TOPAZ1: variants seen among roughly 807,000 people sequenced by gnomAD.
TOPAZ1 encodes testis and ovary specific TOPAZ 1, also known as protein TOPAZ1.
A neutral mutation model predicts 172.2 loss-of-function variants in TOPAZ1; 66 were observed. The ratio of observed to expected loss-of-function variants is 0.38; its 90% confidence interval spans 0.31 to 0.47. The LOEUF (loss-of-function observed/expected upper bound fraction) is 0.47, where lower values mean the gene tolerates loss of function less well. Among genes scored for constraint, TOPAZ1 ranks in the 20% least tolerant of loss-of-function variants. The pLI is 0.99. For synonymous variants in TOPAZ1, 681 were observed against 683.9 expected, an observed-to-expected ratio of 1.00 and a Z score of 0.07; for missense variants, 1,822 against 1,972.4, an observed-to-expected ratio of 0.92 and a Z score of 1.44.
At chr3:44,314,166 A>G (rs1438469440) in intron 16 of TOPAZ1, among the ~76,000 whole-genome samples, 2 of 152,096 alleles carry the variant, frequency 1.3e-5, no homozygotes, top group African/African-American at 4.8e-5. Context: ...TGACCTCGTG[A>G]TCTGCCCACC....
intron 12 of TOPAZ1, among the ~76,000 whole-genome samples, chr3:44,298,909 A>ATATATATTTTTTTTT (rs1287571186): frequency 4.8e-5 from 2 of 41,322 alleles, no homozygotes; most frequent in African/African-American, 7.7e-5. Context: ...ATATATATAT[A>ATATATATTTTTTTTT]TTTTTTTTTT....
At chr3:44,326,495 T>G (rs2125706530) in intron 18 of TOPAZ1, among the ~76,000 whole-genome samples, 1 of 152,308 alleles carries the variant, frequency 6.6e-6, no homozygotes, top group East Asian at 1.9e-4. Flanking sequence ...TTTTTTTGAT[T>G]GGGTTTTTTT....
rs1296824689 is a variant in TOPAZ1 at position 44,270,755 on chromosome 3, G to A, written c.3317G>A (p.Gly1106Asp). The A allele has an allele frequency of 6.4e-7, 1 of 1,550,846 alleles. No individual in the cohort carries two copies. Residue 1106 changes from glycine (G) to aspartate (D), a missense_variant, in exon 8 of 20, where the codon GGC (glycine) becomes GAC (aspartate). Physicochemically the swap from Gly to Asp is moderately conservative, Grantham distance 94. Around this residue, in one of 2 missense-constraint regions of TOPAZ1, gnomAD observed 1,489 missense variants for 1,490.8 expected, o/e 1.00. Transcript: ENST00000309765. ...AAATTTCATTTTAATACATTACGTG[G>A]CTGTGAGCGACCACTGTGCAAGTTT... ...YCKFHFNTLR[G>D]CERPLCKFAH...
chr3:44,273,502 T>C (rs1020994301), intron 8 of TOPAZ1, among the ~76,000 whole-genome samples: 1 of 152,234 alleles, frequency 6.6e-6, no homozygotes, highest in Non-Finnish European at 1.5e-5. Context: ...ATTAATCTGG[T>C]CAATAATAAA....
Position 44,262,374 on chromosome 3 carries a change from A to C in TOPAZ1, c.2956-45A>C, listed in dbSNP as rs1354819678. The C allele has an allele frequency of 2.8e-6, 3 of 1,064,352 alleles. No individual in the cohort carries two copies. The African/African-American group carries it at 4.8e-5, about 17-fold the overall frequency. The allele number at this position is 1,064,352 out of a possible 1,614,324, so 65.9% of individuals were successfully genotyped here. A position where few individuals can be genotyped will look rare whatever the true frequency, so the allele number is the denominator to read the frequency against. The stretch of plus-strand genomic sequence containing the variant: ...TAAGCCTCATAGCTTAGTATGTAAT[A>C]CAGAGACCTTCACTTGTACTTATTT... On this transcript the variant is annotated intron_variant, in intron 4 of 19. Transcript: ENST00000309765.
intron 8 of TOPAZ1, among the ~76,000 whole-genome samples, chr3:44,275,573 A>T (rs1357664118): frequency 6.6e-6 from 1 of 152,074 alleles, no homozygotes; most frequent in Non-Finnish European, 1.5e-5. Flanking sequence ...GTGTATATAT[A>T]CCACATTTTC....
At chr3:44,266,519 T>A (rs1406037188) in intron 5 of TOPAZ1, among the ~76,000 whole-genome samples, 1 of 152,166 alleles carries the variant, frequency 6.6e-6, no homozygotes, top group Admixed American at 6.5e-5. Context: ...TTAGAGGACA[T>A]AGTAGGGTCA....
intron 8 of TOPAZ1, among the ~76,000 whole-genome samples, chr3:44,281,061 T>C (rs935141870): frequency 2.6e-5 from 4 of 152,148 alleles, no homozygotes; most frequent in Non-Finnish European, 5.9e-5. Context: ...ATGGCTAGGA[T>C]TATAGGAGTC....
intron 12 of TOPAZ1, among the ~76,000 whole-genome samples, chr3:44,302,682 T>G (rs779975484): frequency 3.3e-5 from 5 of 152,186 alleles, no homozygotes; most frequent in Non-Finnish European, 5.9e-5. Context: ...TCTCCATATA[T>G]TTAGTATCAA....
intron 16 of TOPAZ1, among the ~76,000 whole-genome samples, chr3:44,316,110 G>T (rs191153733): frequency 6.6e-6 from 1 of 152,014 alleles, no homozygotes; most frequent in Admixed American, 6.5e-5. Context: ...GCCAGGCATG[G>T]TAGCACACGC....
At chr3:44,319,134 A>G (rs530152206) in intron 16 of TOPAZ1, among the ~76,000 whole-genome samples, 5 of 152,120 alleles carry the variant, frequency 3.3e-5, no homozygotes, top group Non-Finnish European at 5.9e-5. Flanking sequence ...AAAGGAACCA[A>G]GGCAAGGCGG....
At chr3:44,334,847 G>A (rs1000033099), downstream of TOPAZ1, among the ~76,000 whole-genome samples, 1 of 152,170 alleles carries the variant, frequency 6.6e-6, no homozygotes, top group Admixed American at 6.5e-5. Context: ...CAGCTAGGAG[G>A]TAATCTGGAG....
intron 4 of TOPAZ1, 142 bp from the exon 5 acceptor site, chr3:44,262,277 G>A (rs1168604155): frequency 5.4e-6 from 2 of 371,452 alleles, no homozygotes; most frequent in African/African-American, 2.1e-5. Flanking sequence ...ATTATGTAGA[G>A]TAGAATTGTT....
chr3:44,294,864 A>G (rs1700176433), intron 12 of TOPAZ1, among the ~76,000 whole-genome samples: 1 of 152,232 alleles, frequency 6.6e-6, no homozygotes, highest in African/African-American at 2.4e-5. Context: ...TTCACAGAAG[A>G]TAAGGCTGCT....
downstream of TOPAZ1, among the ~76,000 whole-genome samples, chr3:44,335,832 C>T (rs191451375): frequency 1.8e-3 from 280 of 152,222 alleles, no homozygotes; most frequent in African/African-American, 6.5e-3. Context: ...CCTGAGTTCC[C>T]TTGAGGGCTT....
chr3:44,306,493 A>G, intron 15 of TOPAZ1, 67 bp downstream of exon 15: 2 of 917,562 alleles, frequency 2.2e-6, no homozygotes, highest in South Asian at 1.8e-5. Flanking sequence ...TGAACAGAAT[A>G]TAAGTTAACC....
At chr3:44,326,785 A>G (rs1700604953) in intron 18 of TOPAZ1, among the ~76,000 whole-genome samples, 1 of 152,132 alleles carries the variant, frequency 6.6e-6, no homozygotes, top group African/African-American at 2.4e-5. Flanking sequence ...GAGAGATGTT[A>G]TTAGTGTATC....
intron 1 of TOPAZ1, among the ~76,000 whole-genome samples, chr3:44,242,610 G>A (rs138202844): frequency 2.6e-5 from 4 of 152,234 alleles, no homozygotes; most frequent in African/African-American, 9.6e-5. Context: ...CCTACTTGTG[G>A]TCCATTTTGG....
intron 8 of TOPAZ1, among the ~76,000 whole-genome samples, chr3:44,274,145 G>C (rs7634452): frequency 0.83 from 122,144 of 147,414 alleles, 50,617 homozygotes; most frequent in Middle Eastern, 0.91. Context: ...CACAGTGGCT[G>C]AGGCCTGTAA....
Sources: allele counts gnomAD v4.1 joint callset (sites outside exome capture counted in the v4.1 genomes callset), GRCh38; gene constraint gnomAD v4.1.1; regional missense constraint gnomAD v4.1.1; transcripts MANE v1.5; gene names NCBI Gene and HGNC (gene_info 2026-07-23, HGNC 2026-07-21).